Variants in PPFIBP1 observed in about 807,000 individuals in gnomAD.
PPFIBP1 encodes the protein PPFIB scaffold protein 1.
Under a neutral mutation model 137.8 loss-of-function variants are expected in PPFIBP1, and 112 were observed. The ratio of observed to expected loss-of-function variants is 0.81; its 90% CI spans 0.70 to 0.95. The LOEUF is 0.95. PPFIBP1 is among the 40% of genes least tolerant of loss of function. The probability of loss-of-function intolerance (pLI) is 0.00; values close to 1 mark genes in which losing one functional copy is unlikely to be tolerated. For missense variants in PPFIBP1, 1,083 were observed against 1,196.6 expected, an observed-to-expected ratio of 0.91 and a Z score of 1.40; for synonymous variants, 378 against 417.3, an observed-to-expected ratio of 0.91 and a Z score of 1.15.
intron 4 of PPFIBP1, among the ~76,000 whole-genome samples, chr12:27,645,551 C>G (rs1255525150): frequency 6.6e-6 from 1 of 152,174 alleles, no homozygotes; most frequent in African/African-American, 2.4e-5. Context: ...ATTATAGGCT[C>G]TGCCCTGGAA....
intron 2 of PPFIBP1, among the ~76,000 whole-genome samples, chr12:27,619,143 T>C (rs754861699): frequency 6.6e-6 from 1 of 152,118 alleles, no homozygotes; most frequent in Non-Finnish European, 1.5e-5. Context: ...CAGCCGTCAC[T>C]GGGTATCCAC....
chr12:27,660,700 G>A (rs186644170), intron 10 of PPFIBP1, among the ~76,000 whole-genome samples, 184 bp from the exon 11 acceptor site: 2 of 152,304 alleles, frequency 1.3e-5, no homozygotes, highest in Admixed American at 1.3e-4. Flanking sequence ...TGAGGTAGAA[G>A]ATGTCCATCT....
intron 6 of PPFIBP1, among the ~76,000 whole-genome samples, 200 bp from the exon 7 acceptor site, chr12:27,649,810 C>G (rs1463777735): frequency 6.6e-6 from 1 of 152,170 alleles, no homozygotes; most frequent in Non-Finnish European, 1.5e-5. Flanking sequence ...CCTCGGCCTC[C>G]CAAAGTGCTG....
chr12:27,683,911 C>A (rs2061036751), intron 24 of PPFIBP1, among the ~76,000 whole-genome samples: 1 of 151,946 alleles, frequency 6.6e-6, no homozygotes, highest in African/African-American at 2.4e-5. Flanking sequence ...CCTCAGCCTC[C>A]CAAGTAGCTG....
At chr12:27,681,748 A>G in intron 22 of PPFIBP1, 52 bp downstream of exon 22, 1 of 1,597,884 alleles carries the variant, frequency 6.3e-7, no homozygotes, top group African/African-American at 1.3e-5. Flanking sequence ...AGAAAACAGT[A>G]TGAATGTAGG....
chr12:27,650,236 C>A, intron 7 of PPFIBP1, 95 bp downstream of exon 7: 1 of 1,124,418 alleles, frequency 8.9e-7, no homozygotes, highest in East Asian at 2.8e-5. Context: ...GTTGAAATTC[C>A]CTGGAGGTGT....
chr12:27,658,419 G>A (rs1443616486), intron 9 of PPFIBP1, among the ~76,000 whole-genome samples: 1 of 152,184 alleles, frequency 6.6e-6, no homozygotes, highest in African/African-American at 2.4e-5. Context: ...TGAGTTGCAT[G>A]TGACACAAGC....
chr12:27,559,211 G>T (rs1330980742), intron 1 of PPFIBP1, among the ~76,000 whole-genome samples: 1 of 147,400 alleles, frequency 6.8e-6, no homozygotes, highest in East Asian at 2.0e-4. Context: ...TCGCTCTGTT[G>T]CCCAGGCTGG....
In PPFIBP1 at chr12:27,654,727, G is replaced by A. The variant is rs754221246; in HGVS notation, c.609G>A (p.Leu203=). The A allele has an allele frequency of 1.9e-6, 3 of 1,610,966 alleles. No homozygotes were observed. Among genetic ancestry groups the A allele is most frequent in the East Asian group, 2.2e-5 (1 of 44,756 alleles). Reference sequence around the variant, plus strand: ...TCTTGTTTCTTCTTGGACAGGGGCTGATTCAGGAGATCAATGATTTGAGGT... The same window carrying A: ...TCTTGTTTCTTCTTGGACAGGGGCTAATTCAGGAGATCAATGATTTGAGGT... ...YEDKFRDTEG[L]IQEINDLRLK... is the part of the protein sequence containing the mutation. Residue 203 remains leucine (L), a synonymous_variant, in exon 8 of 30, where the codon CTG becomes CTA. Transcript: ENST00000228425.
At chr12:27,526,354 A>G (rs1356024443) in intron 1 of PPFIBP1, among the ~76,000 whole-genome samples, 1 of 152,230 alleles carries the variant, frequency 6.6e-6, no homozygotes, top group Non-Finnish European at 1.5e-5. Context: ...AGTTTGAATA[A>G]TAGCAGTAAT....
intron 2 of PPFIBP1, among the ~76,000 whole-genome samples, chr12:27,616,315 T>TA (rs2055750513): frequency 6.6e-6 from 1 of 151,594 alleles, no homozygotes; most frequent in Admixed American, 6.6e-5. Context: ...TGCAGATTTT[T>TA]TTTTTTTTTT....
intron 10 of PPFIBP1, among the ~76,000 whole-genome samples, chr12:27,659,447 C>CG (rs1555232645): frequency 2.7e-5 from 4 of 150,842 alleles, no homozygotes; most frequent in African/African-American, 9.7e-5. Context: ...CCTGTCTCTA[C>CG]AAAAAAAAAT....
intron 2 of PPFIBP1, among the ~76,000 whole-genome samples, chr12:27,628,746 A>G (rs1384962403): frequency 6.6e-6 from 1 of 152,186 alleles, no homozygotes; most frequent in Non-Finnish European, 1.5e-5. Context: ...TTTTATTTCT[A>G]ATTTCTAACA....
chr12:27,656,810 A>G (rs2059228372), intron 9 of PPFIBP1, 80 bp downstream of exon 9: 2 of 978,122 alleles, frequency 2.0e-6, no homozygotes, highest in African/African-American at 1.6e-5. Flanking sequence ...ATGAAAATCA[A>G]TGTGTAGTTT....
chr12:27,639,447 A>G (rs74074050), intron 4 of PPFIBP1, among the ~76,000 whole-genome samples: 7,947 of 152,212 alleles, frequency 0.052, 620 homozygotes, highest in Admixed American at 0.2. Context: ...ACATTCTTAT[A>G]ATGTTTTTTT....
chr12:27,573,195 A>G (rs2050281593), intron 1 of PPFIBP1, among the ~76,000 whole-genome samples: 1 of 152,238 alleles, frequency 6.6e-6, no homozygotes, highest in Non-Finnish European at 1.5e-5. Flanking sequence ...TTGAGAAACA[A>G]TGTCTTATTG....
intron 2 of PPFIBP1, among the ~76,000 whole-genome samples, chr12:27,587,082 T>C (rs1330643227): frequency 6.6e-6 from 1 of 152,192 alleles, no homozygotes; most frequent in African/African-American, 2.4e-5. Context: ...AATACCTAGA[T>C]GCTAGTCTGC....
At chr12:27,667,959 T>C (rs945585553) in intron 13 of PPFIBP1, among the ~76,000 whole-genome samples, 1 of 152,202 alleles carries the variant, frequency 6.6e-6, no homozygotes, top group African/African-American at 2.4e-5. Context: ...TCTTCTGCTG[T>C]AGCCACAGGC....
rs564771874 is a variant in PPFIBP1, at chr12:27,694,721, A to T, written c.*1839A>T. 6.6e-6 allele frequency: 1 copy of T among 152,346 alleles called. No homozygotes were observed. Among genetic ancestry groups the T allele is most frequent in the South Asian group, 2.1e-4 (1 of 4,830 alleles). 9.4% of individuals were successfully genotyped at this position (152,346 alleles called of 1,614,324 possible). On this transcript the variant is annotated 3_prime_UTR_variant, in exon 30 of 30. Coordinates refer to ENST00000228425, the MANE Select transcript of PPFIBP1 (RefSeq NM_003622.4). Reference sequence around the variant, plus strand: ...TATTATATTTGTAGAAGTATTAGAAAAATATTCTATTTTTTATTCAGTGCT... The same window carrying T: ...TATTATATTTGTAGAAGTATTAGAATAATATTCTATTTTTTATTCAGTGCT...
Sources: allele counts gnomAD v4.1 joint callset (sites outside exome capture counted in the v4.1 genomes callset), GRCh38; gene constraint gnomAD v4.1.1; transcripts MANE v1.5; gene names NCBI Gene and HGNC (gene_info 2026-07-23, HGNC 2026-07-21).